CDH6: variants seen among roughly 807,000 people sequenced by gnomAD.
CDH6 encodes the protein cadherin-6.
CDH6 carries 31 observed loss-of-function variants against 78.0 expected under a neutral mutation model. The ratio of observed to expected loss-of-function variants is 0.40; its 90% CI spans 0.30 to 0.54. The LOEUF (loss-of-function observed/expected upper bound fraction) is 0.54. CDH6 is among the 20% of genes least tolerant of loss of function. The probability of loss-of-function intolerance (pLI) is 0.56; values close to 1 mark genes in which losing one functional copy is unlikely to be tolerated. For synonymous variants in CDH6, 376 were observed against 368.8 expected, an observed-to-expected ratio of 1.02 and a Z score of -0.23; for missense variants, 724 against 975.9, an observed-to-expected ratio of 0.74 and a Z score of 3.44.
intron 1 of CDH6, among the ~76,000 whole-genome samples, chr5:31,197,202 C>A (rs34475559): frequency 0.019 from 2,956 of 152,274 alleles, 68 homozygotes; most frequent in Non-Finnish European, 0.026. Flanking sequence ...TTTTAGGTAA[C>A]CTACTCCTTA....
At chr5:31,263,956 A>C (rs1336900964) in intron 1 of CDH6, among the ~76,000 whole-genome samples, 1 of 152,208 alleles carries the variant, frequency 6.6e-6, no homozygotes, top group Non-Finnish European at 1.5e-5. Flanking sequence ...TTAACGTAAT[A>C]AAATGGAAAG....
intron 3 of CDH6, among the ~76,000 whole-genome samples, chr5:31,296,318 A>G (rs1737598372): frequency 6.6e-6 from 1 of 152,164 alleles, no homozygotes. Flanking sequence ...ATCATATAAA[A>G]TCTACAGAAT....
rs757460983 is a variant in CDH6 at position 31,317,828 on chromosome 5, A to G, written c.1786A>G (p.Asn596Asp). The change falls in exon 11 of 12, where the codon AAC (asparagine) becomes GAC (aspartate). Residue 596 changes from asparagine to aspartate, a missense_variant. Coordinates refer to ENST00000265071, the MANE Select transcript of CDH6 (RefSeq NM_004932.4). ...VRVCACDHHG[N>D]MQSCHAEALI... ...GGTCTGTGCATGTGACCACCACGGG[A>G]ACATGCAATCCTGCCATGCGGAGGC... The G allele has an allele frequency of 3.1e-6, 5 of 1,613,992 alleles. No individual in the cohort carries two copies. Among genetic ancestry groups the G allele is most frequent in the East Asian group, 4.5e-5 (2 of 44,874 alleles).
chr5:31,222,684 G>A (rs781123105), intron 1 of CDH6, among the ~76,000 whole-genome samples: 22 of 152,002 alleles, frequency 1.4e-4, no homozygotes, highest in Non-Finnish European at 2.1e-4. Flanking sequence ...ACACAGATGA[G>A]AAATTGAGAT....
Position 31,324,953 on chromosome 5 carries a change from T to C in CDH6, c.*1645T>C, listed in dbSNP as rs1049608882. ...ATATATACTTAAGAATATGCTGACT[T>C]CACTTATTAGTCTTAGGGATTTATT... On this transcript the variant is annotated 3_prime_UTR_variant, in exon 12 of 12. Transcript: ENST00000265071. 8.8e-5 allele frequency: 18 copies of C among 203,538 alleles called. No homozygotes were observed. The highest frequency in any genetic ancestry group is 1.5e-4 in the Non-Finnish European group (15 of 99,360). 12.6% of individuals were successfully genotyped at this position (203,538 alleles called of 1,614,324 possible).
intron 1 of CDH6, among the ~76,000 whole-genome samples, chr5:31,224,084 T>C (rs571799095): frequency 6.6e-6 from 1 of 152,306 alleles, no homozygotes; most frequent in East Asian, 1.9e-4. Context: ...AAGACATACC[T>C]GAAACTGGGA....
At chr5:31,202,009 G>A (rs1473936379) in intron 1 of CDH6, among the ~76,000 whole-genome samples, 5 of 152,088 alleles carry the variant, frequency 3.3e-5, no homozygotes, top group Admixed American at 6.6e-5. Flanking sequence ...ATTACAAAGC[G>A]GATAATTCAG....
intron 1 of CDH6, among the ~76,000 whole-genome samples, chr5:31,256,316 G>C (rs1327904584): frequency 6.6e-6 from 1 of 152,168 alleles, no homozygotes; most frequent in African/African-American, 2.4e-5. Flanking sequence ...GATTAAAACA[G>C]ATTCCTCCCC....
intron 1 of CDH6, among the ~76,000 whole-genome samples, chr5:31,254,972 T>TA (rs1198210319): frequency 2.6e-5 from 4 of 152,202 alleles, no homozygotes; most frequent in Non-Finnish European, 5.9e-5. Context: ...AAAAACTCAA[T>TA]ATCATCAAAA....
chr5:31,302,225 A>G lies in CDH6; in HGVS notation c.926A>G (p.Asp309Gly), dbSNP rs1271464790. ...ENAEIEYSIT[D>G]GEGLDMFDVI... ...GCTGAAATTGAGTACAGCATCACAG[A>G]CGGTGAGGGGCTGGATATGTTTGAT... The change falls in exon 6 of 12, where the codon GAC (aspartate) becomes GGC (glycine). Residue 309 changes from aspartate to glycine, a missense_variant. Around this residue, in one of 3 missense-constraint regions of CDH6, gnomAD observed 446 missense variants for 684.5 expected, o/e 0.65. Coordinates refer to ENST00000265071, the MANE Select transcript of CDH6 (RefSeq NM_004932.4). The G allele has an allele frequency of 1.2e-6, 2 of 1,613,954 alleles. No homozygotes were observed. Among genetic ancestry groups the G allele is most frequent in the Admixed American group, 3.3e-5 (2 of 60,002 alleles).
At chr5:31,263,259 CTT>C (rs58797373) in intron 1 of CDH6, among the ~76,000 whole-genome samples, 15 of 127,676 alleles carry the variant, frequency 1.2e-4, no homozygotes, top group Admixed American at 1.6e-4. Context: ...GGTCTCTCTT[CTT>C]TTTTTTTTTT....
chr5:31,285,881 C>A (rs1279246706), intron 2 of CDH6, among the ~76,000 whole-genome samples: 1 of 152,186 alleles, frequency 6.6e-6, no homozygotes. Flanking sequence ...GCTTTCAGGT[C>A]TGAGGCAATA....
chr5:31,253,001 C>A (rs531447878), intron 1 of CDH6, among the ~76,000 whole-genome samples: 1 of 152,172 alleles, frequency 6.6e-6, no homozygotes, highest in Non-Finnish European at 1.5e-5. Context: ...ATACCATGGA[C>A]TAAGTGGCTT....
At chr5:31,204,857 G>A (rs1302071318) in intron 1 of CDH6, among the ~76,000 whole-genome samples, 1 of 152,184 alleles carries the variant, frequency 6.6e-6, no homozygotes, top group Non-Finnish European at 1.5e-5. Context: ...GCAGCTACAA[G>A]ATTCTGACTA....
At chr5:31,267,780 G>A (rs1429578820) in intron 2 of CDH6, 79 bp downstream of exon 2, 1 of 1,038,166 alleles carries the variant, frequency 9.6e-7, no homozygotes, top group East Asian at 2.4e-5. Context: ...TGGGGAGGAT[G>A]TGTACTATTC....
intron 1 of CDH6, among the ~76,000 whole-genome samples, chr5:31,241,481 C>A (rs1009862600): frequency 1.3e-5 from 2 of 152,218 alleles, no homozygotes; most frequent in African/African-American, 4.8e-5. Flanking sequence ...TTTTAAGGGG[C>A]TTTCTATTAG....
chr5:31,227,801 C>T (rs1024056165), intron 1 of CDH6, among the ~76,000 whole-genome samples: 9 of 152,272 alleles, frequency 5.9e-5, no homozygotes, highest in African/African-American at 2.2e-4. Context: ...AGGGAACGGA[C>T]CCCTACCTTA....
chr5:31,206,823 T>C (rs1245067587), intron 1 of CDH6, among the ~76,000 whole-genome samples: 1 of 152,182 alleles, frequency 6.6e-6, no homozygotes, highest in Non-Finnish European at 1.5e-5. Flanking sequence ...TTTGTAAGGT[T>C]TCTATTCATT....
intron 1 of CDH6, chr5:31,249,451 C>G (rs1380640938): frequency 1.3e-5 from 2 of 152,196 alleles, no homozygotes; most frequent in East Asian, 3.9e-4. Flanking sequence ...CATGGAGAAG[C>G]TGAGAAAAGT....
Sources: allele counts gnomAD v4.1 joint callset (sites outside exome capture counted in the v4.1 genomes callset), GRCh38; gene constraint gnomAD v4.1.1; regional missense constraint gnomAD v4.1.1; transcripts MANE v1.5; gene names NCBI Gene and HGNC (gene_info 2026-07-23, HGNC 2026-07-21).